IL1RAPL1: variants seen among roughly 807,000 people sequenced by gnomAD.
IL1RAPL1 encodes interleukin 1 receptor accessory protein like 1, also known as interleukin-1 receptor accessory protein-like 1.
A neutral mutation model predicts 48.4 loss-of-function variants in IL1RAPL1; 3 were observed. The observed-to-expected ratio is 0.06, with a 90% CI of 0.03 to 0.16. The LOEUF is 0.16. IL1RAPL1 is among the 10% of genes least tolerant of loss of function. IL1RAPL1 has a pLI of 1.00. For missense variants in IL1RAPL1, 349 were observed against 530.6 expected (o/e 0.66, Z 3.36); for synonymous variants, 185 against 187.7 (o/e 0.99, Z 0.12).
chrX:29,201,991 G>A (rs934517224), intron 2 of IL1RAPL1, among the ~76,000 whole-genome samples: 82 of 112,291 alleles, frequency 7.3e-4, no homozygotes, highest in African/African-American at 2.5e-3. Context: ...CACCAAGCCC[G>A]ACCTATTGAT....
rs567059074 is a variant in IL1RAPL1, at chrX:29,030,434, G to T, written c.82+241009G>T. On this transcript the variant is annotated intron_variant, in intron 2 of 10. Coordinates refer to ENST00000378993, the MANE Select transcript of IL1RAPL1 (RefSeq NM_014271.4). ...CTTTTGTAGGTTATTTTCTGAACCT[G>T]ACTAATGGGTACATAGGTATTTGTT... Among the ~76,000 whole-genome samples, 36 of 111,381 alleles carry T rather than the reference G, an allele frequency of 3.2e-4. No individual in the cohort carries two copies. In the South Asian group the frequency reaches 0.014, roughly 42 times the overall value.
At chrX:28,660,075 AGAGT>A (rs971254021) in intron 1 of IL1RAPL1, among the ~76,000 whole-genome samples, 5 of 100,012 alleles carry the variant, frequency 5.0e-5, no homozygotes, top group Non-Finnish European at 6.0e-5. Flanking sequence ...AAGCAGAAGC[AGAGT>A]GAGGATGGTG....
intron 6 of IL1RAPL1, among the ~76,000 whole-genome samples, chrX:29,767,261 C>T (rs1018274849): frequency 2.7e-5 from 3 of 112,065 alleles, no homozygotes; most frequent in African/African-American, 9.7e-5. Context: ...TTGTTAAGGA[C>T]TTGATATTAG....
At chrX:29,627,355 T>C (rs968381896) in intron 5 of IL1RAPL1, among the ~76,000 whole-genome samples, 5 of 112,370 alleles carry the variant, frequency 4.4e-5, no homozygotes, top group Admixed American at 9.4e-5. Context: ...AAGCCATTTA[T>C]TAATTAGGTT....
In IL1RAPL1 at chrX:29,233,604, T is replaced by C. The variant is rs148936110; in HGVS notation, c.83-49334T>C. 2.3e-3 allele frequency among the ~76,000 whole-genome samples: 252 copies of C among 110,820 alleles called. 1 individual carries two copies. Among genetic ancestry groups the C allele is most frequent in the Admixed American group, 6.1e-3 (63 of 10,373 alleles). On this transcript the variant is annotated intron_variant, in intron 2 of 10. Transcript: ENST00000378993. Reference sequence around the variant, plus strand: ...GGAGCCAAAAATAAGACCCTCAGAGTTTCTTGCCTCCCTGTTGTACACACC... The same window carrying C: ...GGAGCCAAAAATAAGACCCTCAGAGCTTCTTGCCTCCCTGTTGTACACACC...
intron 7 of IL1RAPL1, 40 bp downstream of exon 7, chrX:29,917,636 C>T (rs1329226447): frequency 2.7e-6 from 3 of 1,094,090 alleles, no homozygotes; most frequent in African/African-American, 3.7e-5. Flanking sequence ...TCAAGATTAA[C>T]ATTTACTCCA....
At chrX:28,957,945 C>G (rs1264795215) in intron 2 of IL1RAPL1, among the ~76,000 whole-genome samples, 5 of 109,574 alleles carry the variant, frequency 4.6e-5, no homozygotes, top group Non-Finnish European at 5.7e-5. Context: ...GGTGACAGAG[C>G]AAGACTTCCT....
At chrX:28,592,485 C>T (rs893332255) in intron 1 of IL1RAPL1, among the ~76,000 whole-genome samples, 14 of 111,767 alleles carry the variant, frequency 1.3e-4, no homozygotes, top group African/African-American at 4.2e-4. Flanking sequence ...GTAATAATTA[C>T]TAACTTTCTT....
intron 2 of IL1RAPL1, among the ~76,000 whole-genome samples, chrX:29,146,483 G>A (rs767928938): frequency 2.7e-5 from 3 of 110,656 alleles, no homozygotes; most frequent in African/African-American, 6.6e-5. Flanking sequence ...TATCTCTTAC[G>A]CAACCATCCC....
At chrX:28,660,659 GATT>G (rs1934811440) in intron 1 of IL1RAPL1, among the ~76,000 whole-genome samples, 1 of 111,483 alleles carries the variant, frequency 9.0e-6, no homozygotes, top group Non-Finnish European at 1.9e-5. Flanking sequence ...ATTAAGAAGG[GATT>G]ATTTTCTATC....
intron 1 of IL1RAPL1, among the ~76,000 whole-genome samples, chrX:28,743,762 G>A (rs1935939486): frequency 1.0e-5 from 1 of 96,394 alleles, no homozygotes; most frequent in Non-Finnish European, 2.2e-5. Flanking sequence ...TTATTTAATG[G>A]CGTACAACAT....
intron 3 of IL1RAPL1, among the ~76,000 whole-genome samples, chrX:29,368,641 CTGGTTT>C (rs1011965028): frequency 3.1e-5 from 3 of 95,904 alleles, no homozygotes; most frequent in Non-Finnish European, 6.1e-5. Context: ...GTTGCCCAGG[CTGGTTT>C]TGAACTCCTG....
chrX:29,774,607 C>CGTAA (rs1929148082), intron 6 of IL1RAPL1, among the ~76,000 whole-genome samples: 2 of 111,688 alleles, frequency 1.8e-5, no homozygotes, highest in African/African-American at 6.5e-5. Context: ...AAAATTTCTT[C>CGTAA]AATATACAAA....
chrX:29,800,831 A>C (rs28689541), intron 6 of IL1RAPL1, among the ~76,000 whole-genome samples: 1 of 58,764 alleles, frequency 1.7e-5, no homozygotes, highest in African/African-American at 4.9e-5. Context: ...CTAAAAATAC[A>C]AAAAAAAAAA....
Position 28,797,095 on chromosome X carries a change from G to A in IL1RAPL1, c.82+7670G>A, listed in dbSNP as rs150097402. Among the ~76,000 whole-genome samples, 121 of 112,144 alleles carry A rather than the reference G, an allele frequency of 1.1e-3. No individual in the cohort carries two copies. In the East Asian group the frequency reaches 0.019, roughly 18 times the overall value. On this transcript the variant is annotated intron_variant, in intron 2 of 10. Coordinates refer to ENST00000378993, the MANE Select transcript of IL1RAPL1 (RefSeq NM_014271.4). ...TGTTGGTCCCTTTCAGCCACAGCTG[G>A]AGCAGCTGGGACATAGGGCACCAGG...
At chrX:29,579,693 A>C (rs1922897191) in intron 5 of IL1RAPL1, among the ~76,000 whole-genome samples, 1 of 111,851 alleles carries the variant, frequency 8.9e-6, no homozygotes, top group Non-Finnish European at 1.9e-5. Context: ...AAATGTATAA[A>C]TAGTGTATGT....
chrX:28,843,622 G>T (rs948814036), intron 2 of IL1RAPL1, among the ~76,000 whole-genome samples: 3 of 111,833 alleles, frequency 2.7e-5, no homozygotes, highest in Non-Finnish European at 5.7e-5. Context: ...TGAATCTTTG[G>T]ATTTTGTAAA....
intron 1 of IL1RAPL1, among the ~76,000 whole-genome samples, chrX:28,764,854 G>A (rs1002917428): frequency 9.1e-6 from 1 of 109,911 alleles, no homozygotes; most frequent in South Asian, 3.8e-4. Flanking sequence ...CCATGCTCAC[G>A]TATGTTTATT....
At position 28,710,933 on chromosome X, in the gene IL1RAPL1, G is replaced by C. The variant is rs148707366; in HGVS notation, c.-24-78387G>C. On this transcript the variant is annotated intron_variant, in intron 1 of 10. Transcript: ENST00000378993. ...TGAACGACAGGTATAGAGTTGTGTA[G>C]GTCACTTGTTATGATTTGGCTTCCA... is the stretch of plus-strand genomic sequence containing the variant. Among the ~76,000 whole-genome samples, 602 of 112,066 alleles carry C rather than the reference G, an allele frequency of 5.4e-3. 4 individuals carry two copies. Among genetic ancestry groups the C allele is most frequent in the African/African-American group, 0.019 (571 of 30,859 alleles).
Sources: gnomAD v4.1 joint callset for allele counts (sites outside exome capture counted in the v4.1 genomes callset) on GRCh38, gnomAD v4.1.1 for gene constraint, MANE v1.5 for transcripts, NCBI Gene and HGNC (gene_info 2026-07-23, HGNC 2026-07-21) for gene names.